SCUBE1: variants seen among roughly 807,000 people sequenced by gnomAD.
The protein encoded by SCUBE1 is signal peptide, CUB domain and EGF like domain containing 1.
Under a neutral mutation model 124.4 loss-of-function variants are expected in SCUBE1, and 59 were observed. That is an observed-to-expected ratio of 0.47 (90% CI 0.38 to 0.59). SCUBE1 has a LOEUF of 0.59. Ranked by LOEUF, SCUBE1 falls within the 20% of genes least tolerant of loss-of-function variation. The pLI, the probability that SCUBE1 is intolerant of heterozygous loss-of-function variation, is 0.00. For synonymous variants in SCUBE1, 545 were observed against 550.9 expected (o/e 0.99, Z 0.15); for missense variants, 1,150 against 1,371.2 (o/e 0.84, Z 2.55).
intron 4 of SCUBE1, among the ~76,000 whole-genome samples, chr22:43,288,582 G>A (rs1381330463): frequency 2.0e-5 from 3 of 152,220 alleles, no homozygotes; most frequent in South Asian, 2.1e-4. Flanking sequence ...GCCTTTGCAC[G>A]CGCCCAGCCT....
rs1056840965 is a variant in SCUBE1, at chr22:43,279,779, G to A, written c.484+11267C>T. 3.9e-5 allele frequency among the ~76,000 whole-genome samples: 6 copies of A among 152,210 alleles called. No homozygotes were observed. In the East Asian group the frequency reaches 7.7e-4, roughly 20 times the overall value. ...CTCAGGTTGGACCCTCCTACAGCCT[G>A]TGAGTTCCGAAAGGACCTGCCCTGG... On this transcript the variant is annotated intron_variant, in intron 4 of 21. Coordinates refer to ENST00000360835, the MANE Select transcript of SCUBE1 (RefSeq NM_173050.5).
At chr22:43,266,830 C>T (rs1186071575) in intron 4 of SCUBE1, among the ~76,000 whole-genome samples, 2 of 152,184 alleles carry the variant, frequency 1.3e-5, no homozygotes, top group African/African-American at 4.8e-5. Context: ...AGTTCAGATG[C>T]TACGTCCCCT....
intron 2 of SCUBE1, among the ~76,000 whole-genome samples, chr22:43,324,365 C>G (rs1177114913): frequency 6.6e-6 from 1 of 152,152 alleles, no homozygotes; most frequent in Non-Finnish European, 1.5e-5. Flanking sequence ...GCTTGCATTT[C>G]TTTCCTTAAT....
chr22:43,226,613 G>A (rs1076923), intron 10 of SCUBE1, among the ~76,000 whole-genome samples: 7,309 of 149,762 alleles, frequency 0.049, 412 homozygotes, highest in East Asian at 0.3. Context: ...GAGTTACCGG[G>A]GTTGGAAGGG....
intron 3 of SCUBE1, among the ~76,000 whole-genome samples, chr22:43,305,997 G>A (rs1925955197): frequency 6.6e-6 from 1 of 152,232 alleles, no homozygotes; most frequent in African/African-American, 2.4e-5. Flanking sequence ...CTGATGCACA[G>A]GCCTGGCTAA....
intron 3 of SCUBE1, among the ~76,000 whole-genome samples, chr22:43,294,227 C>A (rs570821536): frequency 2.1e-4 from 32 of 152,244 alleles, no homozygotes; most frequent in Non-Finnish European, 4.0e-4. Context: ...GGGAGGAAAT[C>A]ATGGCTGCCA....
At chr22:43,293,788 A>C (rs558093445) in intron 3 of SCUBE1, among the ~76,000 whole-genome samples, 7 of 152,296 alleles carry the variant, frequency 4.6e-5, no homozygotes, top group African/African-American at 1.7e-4. Flanking sequence ...AGCCCTATTA[A>C]AGGTCCGACT....
intron 6 of SCUBE1, among the ~76,000 whole-genome samples, chr22:43,247,950 C>G (rs1319941981): frequency 2.0e-5 from 3 of 152,208 alleles, no homozygotes; most frequent in African/African-American, 7.2e-5. Flanking sequence ...TCACAGAGGG[C>G]ACTGAGGTTG....
intron 3 of SCUBE1, among the ~76,000 whole-genome samples, chr22:43,313,193 A>C (rs1350516756): frequency 1.3e-5 from 2 of 152,210 alleles, no homozygotes; most frequent in African/African-American, 4.8e-5. Context: ...TACCCAGCAC[A>C]AGGCTGGGCA....
At chr22:43,278,157 C>T (rs1027192397) in intron 4 of SCUBE1, among the ~76,000 whole-genome samples, 3 of 152,256 alleles carry the variant, frequency 2.0e-5, no homozygotes, top group Non-Finnish European at 4.4e-5. Flanking sequence ...ACCTTGAGGG[C>T]CATTCCGGAC....
At position 43,335,038 on chromosome 22, in the gene SCUBE1, C is replaced by T. The variant is rs186489306; in HGVS notation, c.220+4066G>A. On this transcript the variant is annotated intron_variant, in intron 2 of 21. Transcript: ENST00000360835. ...GAAAGCCACAGATAGGAATAACCAC[C>T]TGCAGAAACACAGTGTGGAGAAACA... 2.0e-5 allele frequency among the ~76,000 whole-genome samples: 3 copies of T among 152,336 alleles called. No homozygotes were observed. The East Asian group carries it at 5.8e-4, about 29-fold the overall frequency.
chr22:43,250,944 A>G (rs1923421456), intron 6 of SCUBE1, among the ~76,000 whole-genome samples: 1 of 152,210 alleles, frequency 6.6e-6, no homozygotes, highest in African/African-American at 2.4e-5. Flanking sequence ...TTGGGAGTCC[A>G]CAGGGCTGGG....
At chr22:43,267,877 G>A (rs1924135686) in intron 4 of SCUBE1, among the ~76,000 whole-genome samples, 1 of 152,232 alleles carries the variant, frequency 6.6e-6, no homozygotes, top group South Asian at 2.1e-4. Context: ...GGTGGCAGCT[G>A]GGGCCATGAG....
chr22:43,257,681 A>T (rs754607069), intron 6 of SCUBE1, among the ~76,000 whole-genome samples: 2 of 152,196 alleles, frequency 1.3e-5, no homozygotes, highest in African/African-American at 2.4e-5. Context: ...CAGGGCCCAC[A>T]CTGTCCATCT....
intron 2 of SCUBE1, among the ~76,000 whole-genome samples, chr22:43,333,602 C>T (rs1282537935): frequency 1.3e-5 from 2 of 152,128 alleles, no homozygotes; most frequent in Admixed American, 6.5e-5. Context: ...AATCCAGGCT[C>T]GGGTTGTGAA....
At chr22:43,314,828 C>G (rs2146778740) in intron 3 of SCUBE1, among the ~76,000 whole-genome samples, 1 of 152,206 alleles carries the variant, frequency 6.6e-6, no homozygotes, top group East Asian at 1.9e-4. Flanking sequence ...TCCAGTCTAG[C>G]CTCTAGGTCA....
chr22:43,279,759 G>A (rs1246449433), intron 4 of SCUBE1, among the ~76,000 whole-genome samples: 1 of 152,196 alleles, frequency 6.6e-6, no homozygotes. Context: ...CCTGCCTCAG[G>A]TTGGACCCTC....
At chr22:43,216,120 C>G (rs1294016994) in intron 15 of SCUBE1, among the ~76,000 whole-genome samples, 1 of 151,982 alleles carries the variant, frequency 6.6e-6, no homozygotes, top group East Asian at 2.0e-4. Flanking sequence ...GATCTCAGCT[C>G]ACTGCAACCT....
At chr22:43,342,149 C>T (rs1415938671) in intron 1 of SCUBE1, among the ~76,000 whole-genome samples, 2 of 151,924 alleles carry the variant, frequency 1.3e-5, no homozygotes, top group East Asian at 1.9e-4. Context: ...CCCTGCCTCC[C>T]CCTCCAAGCA....
Sources: allele counts gnomAD v4.1 joint callset (sites outside exome capture counted in the v4.1 genomes callset), GRCh38; gene constraint gnomAD v4.1.1; transcripts MANE v1.5; gene names NCBI Gene and HGNC (gene_info 2026-07-23, HGNC 2026-07-21).